ETS1: variants seen among roughly 807,000 people sequenced by gnomAD.
The protein encoded by ETS1 is ETS proto-oncogene 1, transcription factor, also known as protein C-ets-1.
Under a neutral mutation model 58.6 loss-of-function variants are expected in ETS1, and 15 were observed. The ratio of observed to expected loss-of-function variants is 0.26; its 90% confidence interval spans 0.17 to 0.39. ETS1 has a LOEUF of 0.39. Among genes scored for constraint, ETS1 ranks in the 10% least tolerant of loss-of-function variants. ETS1 has a pLI of 1.00. For missense variants in ETS1, 417 were observed against 610.5 expected, an observed-to-expected ratio of 0.68 and a Z score of 3.34; for synonymous variants, 214 against 218.2, an observed-to-expected ratio of 0.98 and a Z score of 0.17.
rs527716108 is a variant in ETS1 at position 128,520,957 on chromosome 11, G to A, written c.215-30381C>T. ...AATTAATTATTTTCCAGGGTGCACTGCCTTCTCCCTAGATCTTTCTATATA... is the reference window on the plus strand; with the variant it reads ...AATTAATTATTTTCCAGGGTGCACTACCTTCTCCCTAGATCTTTCTATATA... On this transcript the variant is annotated intron_variant, in intron 3 of 9. Transcript: ENST00000392668. Among the ~76,000 whole-genome samples, 4 of 152,240 alleles carry A rather than the reference G, an allele frequency of 2.6e-5. No homozygotes were observed. The South Asian group carries it at 8.3e-4, about 32-fold the overall frequency.
At chr11:128,511,603 A>G (rs1335897808) in intron 3 of ETS1, among the ~76,000 whole-genome samples, 1 of 152,230 alleles carries the variant, frequency 6.6e-6, no homozygotes, top group Non-Finnish European at 1.5e-5. Flanking sequence ...TCAGCCAGCT[A>G]TGTGGGACTT....
intron 3 of ETS1, among the ~76,000 whole-genome samples, chr11:128,496,340 A>G (rs567163448): frequency 1.3e-5 from 2 of 152,076 alleles, no homozygotes; most frequent in African/African-American, 4.8e-5. Context: ...CTACAAGCAG[A>G]AGGCTGCAGT....
intron 3 of ETS1, among the ~76,000 whole-genome samples, chr11:128,553,055 A>C (rs1264673263): frequency 6.6e-6 from 1 of 152,194 alleles, no homozygotes; most frequent in African/African-American, 2.4e-5. Flanking sequence ...ATAAACAGCA[A>C]CAGACATTTC....
intron 1 of ETS1, among the ~76,000 whole-genome samples, chr11:128,585,080 A>G (rs1357037598): frequency 2.9e-5 from 1 of 33,904 alleles, no homozygotes; most frequent in Non-Finnish European, 5.1e-5. Flanking sequence ...AAGAAAGAGA[A>G]AGAAAGAAAG....
chr11:128,565,913 C>T (rs1329121179), intron 2 of ETS1, among the ~76,000 whole-genome samples: 2 of 152,184 alleles, frequency 1.3e-5, no homozygotes, highest in East Asian at 3.9e-4. Flanking sequence ...CAGAGTGACC[C>T]TTCTGTGAAC....
chr11:128,459,417 T>A lies in ETS1; in HGVS notation c.*2944A>T, dbSNP rs1861847984. 1 of 152,756 alleles carries A rather than the reference T, an allele frequency of 6.5e-6. No individual in the cohort carries two copies. The highest frequency in any genetic ancestry group is 1.5e-5 in the Non-Finnish European group (1 of 68,040). 9.5% of individuals were successfully genotyped at this position (152,756 alleles called of 1,614,324 possible). ...CCAAAGTGAGGAAAAGCACATCTGA[T>A]CTTTGAATGCTACCTCCAATCCCCA... On this transcript the variant is annotated 3_prime_UTR_variant, in exon 10 of 10. Transcript: ENST00000392668.
intron 1 of ETS1, among the ~76,000 whole-genome samples, chr11:128,585,096 A>G (rs1864975500): frequency 1.2e-4 from 4 of 32,654 alleles, no homozygotes; most frequent in African/African-American, 1.2e-3. Flanking sequence ...GAAAGGAAAG[A>G]AAGAAAGGAA....
At chr11:128,483,467 A>G (rs1862543788) in intron 7 of ETS1, among the ~76,000 whole-genome samples, 2 of 152,316 alleles carry the variant, frequency 1.3e-5, no homozygotes, top group South Asian at 4.1e-4. Context: ...CTCGCCTGAT[A>G]AAAAAGAAAC....
At chr11:128,556,532 G>C in intron 2 of ETS1, 97 bp from the exon 3 acceptor site, 1 of 781,336 alleles carries the variant, frequency 1.3e-6, no homozygotes. Flanking sequence ...TCACATGTAA[G>C]TAAGAATCAT....
intron 8 of ETS1, among the ~76,000 whole-genome samples, chr11:128,470,595 C>G (rs1862161289): frequency 6.6e-6 from 1 of 151,688 alleles, no homozygotes; most frequent in Admixed American, 6.6e-5. Context: ...TTAGGAGCAA[C>G]TGAATATACA....
At position 128,459,473 on chromosome 11, in the gene ETS1, G is replaced by A. The variant is rs1043037658; in HGVS notation, c.*2888C>T. 3 of 152,754 alleles carry A rather than the reference G, an allele frequency of 2.0e-5. No individual in the cohort carries two copies. Among genetic ancestry groups the A allele is most frequent in the Non-Finnish European group, 4.4e-5 (3 of 68,030 alleles). 9.5% of individuals were successfully genotyped at this position (152,754 alleles called of 1,614,324 possible). The stretch of plus-strand genomic sequence containing the variant: ...ACAAAAATCAGGGCTCTATGTAGGG[G>A]AAGTCCCTCTCCAGAATGGAGAAGG... On this transcript the variant is annotated 3_prime_UTR_variant, in exon 10 of 10. Transcript: ENST00000392668.
intron 3 of ETS1, among the ~76,000 whole-genome samples, chr11:128,543,067 C>T (rs527954133): frequency 1.1e-4 from 16 of 151,926 alleles, no homozygotes; most frequent in African/African-American, 3.6e-4. Context: ...CCCAGCTACT[C>T]GGGTAATCCC....
At chr11:128,511,246 T>C (rs1863385678) in intron 3 of ETS1, among the ~76,000 whole-genome samples, 1 of 152,166 alleles carries the variant, frequency 6.6e-6, no homozygotes, top group Non-Finnish European at 1.5e-5. Context: ...AACAAAGCAA[T>C]GTGCCTTATA....
Position 128,484,810 on chromosome 11 carries a change from A to C in ETS1, c.862+13T>G. On this transcript the variant is annotated intron_variant, in intron 7 of 9. Transcript: ENST00000392668. ...GTAAACCCAAGAGCTTTTAGAGAAG[A>C]AATATGACCTACCACGACTGGTCCT... The C allele has an allele frequency of 6.2e-7, 1 of 1,610,072 alleles. No individual in the cohort carries two copies. Among genetic ancestry groups the C allele is most frequent in the Non-Finnish European group, 8.5e-7 (1 of 1,176,846 alleles).
At chr11:128,462,925 A>C (rs567028841) in intron 9 of ETS1, among the ~76,000 whole-genome samples, 2 of 152,376 alleles carry the variant, frequency 1.3e-5, no homozygotes, top group African/African-American at 4.8e-5. Context: ...CTTTGCAAGC[A>C]TGAAATCTAA....
chr11:128,466,388 G>A (rs1364512326), intron 8 of ETS1, among the ~76,000 whole-genome samples: 5 of 152,194 alleles, frequency 3.3e-5, no homozygotes, highest in Non-Finnish European at 7.3e-5. Context: ...ACATCTGCTG[G>A]TGCTGGAGAA....
intron 3 of ETS1, among the ~76,000 whole-genome samples, chr11:128,508,980 T>G (rs544786015): frequency 2.4e-4 from 36 of 152,270 alleles, no homozygotes; most frequent in African/African-American, 8.4e-4. Flanking sequence ...ACCATGCCAC[T>G]AGGCAGATAT....
At chr11:128,578,685 C>T (rs1230303405) in intron 1 of ETS1, among the ~76,000 whole-genome samples, 3 of 152,168 alleles carry the variant, frequency 2.0e-5, no homozygotes, top group Non-Finnish European at 2.9e-5. Flanking sequence ...GTCACACACA[C>T]ACACGTGATT....
chr11:128,472,874 C>T (rs1012945508), intron 8 of ETS1, among the ~76,000 whole-genome samples: 1 of 152,146 alleles, frequency 6.6e-6, no homozygotes, highest in Non-Finnish European at 1.5e-5. Context: ...ATGCTCCTTC[C>T]GTAAACATCT....
Sources: allele counts gnomAD v4.1 joint callset (sites outside exome capture counted in the v4.1 genomes callset), GRCh38; gene constraint gnomAD v4.1.1; transcripts MANE v1.5; gene names NCBI Gene and HGNC (gene_info 2026-07-23, HGNC 2026-07-21).